The following ERBB2 variants were observed in gnomAD, a reference collection of about 807,000 sequenced individuals.
ERBB2 encodes the protein erb-b2 receptor tyrosine kinase 2, also known as receptor tyrosine-protein kinase erbB-2.
In ERBB2, 61 loss-of-function variants were observed where a neutral mutation model predicts 149.0. That is an observed-to-expected ratio of 0.41 (90% CI 0.33 to 0.51). ERBB2 has a LOEUF of 0.51. Among genes scored for constraint, ERBB2 ranks in the 20% least tolerant of loss-of-function variants. The pLI, the probability that ERBB2 is intolerant of heterozygous loss-of-function variation, is 0.25. For missense variants in ERBB2, 1,205 were observed against 1,655.1 expected (o/e 0.73, Z 4.72); for synonymous variants, 633 against 678.8 (o/e 0.93, Z 1.05).
At chr17:39,691,955 A>C (rs915491941), upstream of ERBB2, among the ~76,000 whole-genome samples, 1 of 145,356 alleles carries the variant, frequency 6.9e-6, no homozygotes, top group Non-Finnish European at 1.5e-5. Flanking sequence ...ATATATATAT[A>C]TATCTCTTGT....
At chr17:39,699,684 G>A (rs1174443443), upstream of ERBB2, 5 of 825,908 alleles carry the variant, frequency 6.1e-6, no homozygotes, top group African/African-American at 1.7e-5. Flanking sequence ...GCTTGGGATG[G>A]AGTAGGATGC....
At chr17:39,719,697 C>T in intron 15 of ERBB2, 90 bp from the exon 16 acceptor site, 3 of 1,338,536 alleles carry the variant, frequency 2.2e-6, no homozygotes. Context: ...ATGACCCAGC[C>T]ACACCCCTCC....
chr17:39,694,241 A>ATGTG (rs1439550589), upstream of ERBB2, among the ~76,000 whole-genome samples: 26 of 22,038 alleles, frequency 1.2e-3, 2 homozygotes, highest in Non-Finnish European at 2.8e-3. Context: ...ATATATATAT[A>ATGTG]TATATATATA....
intron 15 of ERBB2, among the ~76,000 whole-genome samples, chr17:39,718,351 A>T (rs559110378): frequency 1.3e-5 from 2 of 152,200 alleles, no homozygotes; most frequent in African/African-American, 2.4e-5. Context: ...CCTTTCACTC[A>T]ACTCCCTGTC....
In ERBB2 at chr17:39,700,185, G is replaced by C. The variant is rs991994225; in HGVS notation, c.-54G>C. On this transcript the variant is annotated 5_prime_UTR_variant, in exon 1 of 27. Transcript: ENST00000269571. ...CCCCTCGCAGCACCCCGCGCCCCGC[G>C]CCCTCCCAGCCGGGTCCAGCCGGAG... 1.5e-6 allele frequency: 2 copies of C among 1,366,836 alleles called. No homozygotes were observed. Among genetic ancestry groups the C allele is most frequent in the South Asian group, 1.8e-5 (1 of 56,470 alleles). 84.7% of individuals were successfully genotyped at this position (1,366,836 alleles called of 1,614,324 possible).
exon 1 of ERBB2, chr17:39,688,194 T>C (rs1331636855): frequency 8.2e-6 from 4 of 487,656 alleles, no homozygotes; most frequent in Non-Finnish European, 1.3e-5. Context: ...GCTGTGTCCA[T>C]ATATCGAGGC....
upstream of ERBB2, among the ~76,000 whole-genome samples, chr17:39,692,230 T>C (rs1414388478): frequency 6.6e-6 from 1 of 152,092 alleles, no homozygotes; most frequent in Non-Finnish European, 1.5e-5. Flanking sequence ...TGTACACCTA[T>C]ACACTTATAT....
chr17:39,727,396 T>A lies in ERBB2; in HGVS notation c.3261T>A (p.Asp1087Glu). ...AAGGGGCTGGCTCCGATGTATTTGA[T>A]GGTGACCTGGGAATGGGGGCAGCCA... Reference protein sequence around the residue: ...PSEGAGSDVFDGDLGMGAAKG... With the variant: ...PSEGAGSDVFEGDLGMGAAKG... Residue 1087 changes from aspartate (D) to glutamate (E), a missense_variant, in exon 26 of 27, where the codon GAT becomes GAA. Transcript: ENST00000269571. This position sits in a 1 kb window ranked among gnomAD's most constrained non-coding sequence, Gnocchi z 4.3. 1 of 1,610,648 alleles carries A rather than the reference T, an allele frequency of 6.2e-7. No individual in the cohort carries two copies. Among genetic ancestry groups the A allele is most frequent in the Non-Finnish European group, 8.5e-7 (1 of 1,178,824 alleles).
intron 1 of ERBB2, among the ~76,000 whole-genome samples, chr17:39,701,924 A>C (rs527457706): frequency 6.6e-6 from 1 of 152,210 alleles, no homozygotes; most frequent in Non-Finnish European, 1.5e-5. Context: ...GTGAGGCCAT[A>C]CTGAGCTGTC....
chr17:39,707,401 AGC>A, intron 2 of ERBB2: 1 of 380,186 alleles, frequency 2.6e-6, no homozygotes, highest in Admixed American at 4.7e-5. Flanking sequence ...CTCTCTTGCC[AGC>A]ATGATCATGT....
exon 1 of ERBB2, chr17:39,688,126 C>T (rs1222373642): frequency 7.6e-6 from 8 of 1,050,498 alleles, no homozygotes; most frequent in Non-Finnish European, 8.7e-6. Flanking sequence ...GAAGTCCACA[C>T]AGTTTAAATT....
At position 39,723,935 on chromosome 17, in the gene ERBB2, G is replaced by T. The variant is rs2059589991; in HGVS notation, c.2232G>T (p.Glu744Asp). Residue 744 changes from glutamate (E) to aspartate (D), a missense_variant, in exon 19 of 27, where the codon GAG becomes GAT. Physicochemically the swap from Glu to Asp is conservative, Grantham distance 45. This residue lies in a region of ERBB2 where 152 missense variants were observed against 318.1 expected (regional missense o/e 0.48). Coordinates refer to ENST00000269571, the MANE Select transcript of ERBB2 (RefSeq NM_004448.4). The surrounding 1 kb of genome is among the most constrained non-coding windows in gnomAD (Gnocchi z 6.2). The stretch of plus-strand genomic sequence containing the variant: ...AGGGCATCTGGATCCCTGATGGGGA[G>T]AATGTGAAAATTCCAGTGGCCATCA... ...VYKGIWIPDG[E>D]NVKIPVAIKV... 2.5e-6 allele frequency: 4 copies of T among 1,613,914 alleles called. No individual in the cohort carries two copies. Among genetic ancestry groups the T allele is most frequent in the Non-Finnish European group, 3.4e-6 (4 of 1,179,932 alleles).
chr17:39,717,038 G>A, intron 14 of ERBB2: 2 of 461,698 alleles, frequency 4.3e-6, no homozygotes, highest in South Asian at 3.7e-5. Flanking sequence ...ACAGAGCAGT[G>A]ACTGTTGTTA....
chr17:39,715,420 C>T (rs1476501366), intron 10 of ERBB2, 26 bp from the exon 11 acceptor site: 1 of 1,613,726 alleles, frequency 6.2e-7, no homozygotes, highest in Non-Finnish European at 8.5e-7. Context: ...TGTCCCCACT[C>T]CTTTAATCTC....
intron 3 of ERBB2, 61 bp from the exon 4 acceptor site, chr17:39,709,257 C>T (rs2058652244): frequency 1.9e-6 from 3 of 1,601,578 alleles, no homozygotes; most frequent in Admixed American, 3.4e-5. Flanking sequence ...CAGGAGGGCC[C>T]CAAGGGAAGC....
At position 39,723,194 on chromosome 17, in the gene ERBB2, G is replaced by GC; in HGVS notation, c.1947-123dup. On this transcript the variant is annotated intron_variant, in intron 16 of 26. Coordinates refer to ENST00000269571, the MANE Select transcript of ERBB2 (RefSeq NM_004448.4). The surrounding 1 kb of genome is among the most constrained non-coding windows in gnomAD (Gnocchi z 6.2). ...GGTTTTAGAGTAGGAGAGGGTCCAA[G>GC]CCTGTGGGTCACCCTTCCGACTTCC... 1.0e-6 allele frequency: 1 copy of GC among 995,170 alleles called. No homozygotes were observed. The highest frequency in any genetic ancestry group is 1.6e-5 in the African/African-American group (1 of 62,206). 61.6% of individuals were successfully genotyped at this position (995,170 alleles called of 1,614,324 possible).
At chr17:39,708,660 C>T (rs1477079091) in intron 3 of ERBB2, 126 bp downstream of exon 3, 27 of 690,134 alleles carry the variant, frequency 3.9e-5, no homozygotes, top group Middle Eastern at 2.9e-4. Flanking sequence ...AGGCAGAGCC[C>T]GGGAAGACGC....
At chr17:39,724,060 C>A in intron 19 of ERBB2, 50 bp downstream of exon 19, 3 of 1,344,914 alleles carry the variant, frequency 2.2e-6, no homozygotes, top group Non-Finnish European at 3.1e-6. Context: ...GACCCCATGG[C>A]TGCAGGTCTG....
At position 39,725,632 on chromosome 17, in the gene ERBB2, C is replaced by A. The variant is rs4252649; in HGVS notation, c.2726-75C>A. 350 of 1,493,650 alleles carry A rather than the reference C, an allele frequency of 2.3e-4. 3 individuals carry two copies. The African/African-American group carries it at 4.3e-3, about 18-fold the overall frequency. 92.5% of individuals were successfully genotyped at this position (1,493,650 alleles called of 1,614,324 possible). ...CTGCTACCTGCCATGATGCTAGACT[C>A]CTGAGCAGAACCTCTGGCTCAGTAC... On this transcript the variant is annotated intron_variant, in intron 22 of 26. Transcript: ENST00000269571. This position sits in a 1 kb window ranked among gnomAD's most constrained non-coding sequence, Gnocchi z 4.6.
Sources: allele counts gnomAD v4.1 joint callset (sites outside exome capture counted in the v4.1 genomes callset), GRCh38; gene constraint gnomAD v4.1.1; regional missense constraint gnomAD v4.1.1; non-coding constraint Gnocchi (gnomAD v3.1); transcripts MANE v1.5; gene names NCBI Gene and HGNC (gene_info 2026-07-23, HGNC 2026-07-21).